The following NLN variants were observed in gnomAD, a reference collection of about 807,000 sequenced individuals.
NLN encodes the protein neurolysin, mitochondrial.
Under a neutral mutation model 79.9 loss-of-function variants are expected in NLN, and 64 were observed. That is an observed-to-expected ratio of 0.80 (90% confidence interval 0.65 to 0.99). The LOEUF is 0.99. NLN is among the 50% of genes least tolerant of loss of function. NLN has a pLI of 0.00. For synonymous variants in NLN, 267 were observed against 296.6 expected (o/e 0.90, Z 1.02); for missense variants, 835 against 858.7 (o/e 0.97, Z 0.34).
chr5:65,726,332 C>A (rs991771090), intron 1 of NLN, among the ~76,000 whole-genome samples: 2 of 152,072 alleles, frequency 1.3e-5, no homozygotes, highest in African/African-American at 4.8e-5. Flanking sequence ...TAAGGATATT[C>A]TAAAATGAAA....
In NLN at chr5:65,806,582, A is replaced by T. The variant is rs114804837; in HGVS notation, c.1528-2933A>T. Reference sequence around the variant, plus strand: ...TGAATTGCTGCAATCTCATGATAAAACTTAAAGAGATGAGGAGTTGCTTCT... The same window carrying T: ...TGAATTGCTGCAATCTCATGATAAATCTTAAAGAGATGAGGAGTTGCTTCT... On this transcript the variant is annotated intron_variant, in intron 9 of 12. Coordinates refer to ENST00000380985, the MANE Select transcript of NLN (RefSeq NM_020726.5). Among the ~76,000 whole-genome samples, 591 of 152,312 alleles carry T rather than the reference A, an allele frequency of 3.9e-3. 2 individuals carry two copies. Among genetic ancestry groups the T allele is most frequent in the African/African-American group, 0.013 (555 of 41,572 alleles).
intron 9 of NLN, among the ~76,000 whole-genome samples, chr5:65,799,044 G>T (rs1439551767): frequency 6.6e-6 from 1 of 151,968 alleles, no homozygotes; most frequent in East Asian, 1.9e-4. Flanking sequence ...ACTACACCAG[G>T]GTAATTTTTG....
intron 1 of NLN, among the ~76,000 whole-genome samples, chr5:65,735,482 C>CT (rs1228717099): frequency 7.2e-5 from 11 of 152,136 alleles, no homozygotes; most frequent in Non-Finnish European, 1.5e-4. Context: ...CCATTCCTTG[C>CT]TTTTTTCTCT....
rs1171600379 is a variant in NLN, at chr5:65,758,711, G to A, written c.186G>A (p.Glu62=). 1 of 1,613,740 alleles carries A rather than the reference G, an allele frequency of 6.2e-7. No homozygotes were observed. The highest frequency in any genetic ancestry group is 8.5e-7 in the Non-Finnish European group (1 of 1,179,866). The change falls in exon 2 of 13, where the codon GAG becomes GAA. Residue 62 remains glutamate, a synonymous_variant. Transcript: ENST00000380985. ...CAGAGCAAATTAAAACAAGAACTGA[G>A]GAGCTCATTGTGCAGACCAAACAGG... The part of the protein sequence containing the change: ...LSPEQIKTRT[E]ELIVQTKQVY...
chr5:65,777,373 A>C, intron 3 of NLN, 54 bp from the exon 4 acceptor site: 2 of 1,144,356 alleles, frequency 1.7e-6, no homozygotes, highest in East Asian at 4.7e-5. Context: ...CATAGTTTAT[A>C]ATTTACCTGT....
intron 1 of NLN, among the ~76,000 whole-genome samples, chr5:65,745,096 T>C (rs1019323964): frequency 2.6e-5 from 4 of 152,146 alleles, no homozygotes; most frequent in Non-Finnish European, 4.4e-5. Context: ...TTGAGTGGTT[T>C]TACTCTTTGA....
At chr5:65,785,575 T>C (rs1408424513) in intron 6 of NLN, among the ~76,000 whole-genome samples, 200 bp from the exon 7 acceptor site, 1 of 148,926 alleles carries the variant, frequency 6.7e-6, no homozygotes, top group African/African-American at 2.5e-5. Flanking sequence ...AGTCATAAAT[T>C]GTTTCAGAAA....
In NLN at chr5:65,787,254, A is replaced by ATGTG. The variant is rs146242783; in HGVS notation, c.959-846_959-843dup. Among the ~76,000 whole-genome samples the ATGTG allele has an allele frequency of 4.5e-3, 675 of 149,148 alleles. 5 individuals are homozygous for ATGTG. Among genetic ancestry groups the ATGTG allele is most frequent in the African/African-American group, 0.014 (565 of 40,490 alleles). On this transcript the variant is annotated intron_variant, in intron 7 of 12. Transcript: ENST00000380985. Reference sequence around the variant, plus strand: ...TCTCTCTTTATATATATATATATGTATGTGTGTGTGTGTGTGTGTGTATAC... The same window carrying ATGTG: ...TCTCTCTTTATATATATATATATGTATGTGTGTGTGTGTGTGTGTGTGTGTATAC...
chr5:65,764,048 T>G (rs1759399738), intron 3 of NLN, among the ~76,000 whole-genome samples: 1 of 152,136 alleles, frequency 6.6e-6, no homozygotes, highest in South Asian at 2.1e-4. Flanking sequence ...TTATTTGATG[T>G]GATTTGAATC....
At chr5:65,774,404 G>A (rs1759635384) in intron 3 of NLN, among the ~76,000 whole-genome samples, 1 of 152,150 alleles carries the variant, frequency 6.6e-6, no homozygotes, top group Admixed American at 6.5e-5. Context: ...TTTTTGTTAG[G>A]AAGGAAGGTG....
intron 4 of NLN, among the ~76,000 whole-genome samples, chr5:65,779,387 C>G (rs1265837202): frequency 6.6e-6 from 1 of 151,164 alleles, no homozygotes; most frequent in Non-Finnish European, 1.5e-5. Flanking sequence ...TGGTTTCCTT[C>G]TTATTGCTTC....
Position 65,804,954 on chromosome 5 carries a change from G to A in NLN, c.1528-4561G>A, listed in dbSNP as rs115972047. On this transcript the variant is annotated intron_variant, in intron 9 of 12. Transcript: ENST00000380985. ...GTCTGTCAGTGCAATTTTTCCAACA[G>A]AATGTGCTCCCTTCATGTCTCTATG... Among the ~76,000 whole-genome samples, 219 of 152,290 alleles carry A rather than the reference G, an allele frequency of 1.4e-3. 2 individuals carry two copies. The highest frequency in any genetic ancestry group is 5.0e-3 in the African/African-American group (208 of 41,566).
chr5:65,769,261 A>G (rs751192517), intron 3 of NLN, among the ~76,000 whole-genome samples: 1 of 152,192 alleles, frequency 6.6e-6, no homozygotes. Context: ...AAAACCTTCA[A>G]AATAGGGGAG....
chr5:65,808,458 G>T (rs1760470536), intron 9 of NLN, among the ~76,000 whole-genome samples: 1 of 152,172 alleles, frequency 6.6e-6, no homozygotes, highest in African/African-American at 2.4e-5. Flanking sequence ...AAAGACAACG[G>T]AATGAGGAGC....
chr5:65,807,726 C>T (rs575809166), intron 9 of NLN, among the ~76,000 whole-genome samples: 292 of 152,294 alleles, frequency 1.9e-3, no homozygotes, highest in African/African-American at 6.4e-3. Flanking sequence ...AGGCGTGAGT[C>T]ACCGCACCAG....
At chr5:65,726,966 G>A (rs1758486066) in intron 1 of NLN, among the ~76,000 whole-genome samples, 1 of 152,100 alleles carries the variant, frequency 6.6e-6, no homozygotes, top group Non-Finnish European at 1.5e-5. Context: ...AGTTTCCATT[G>A]GGTTTTCTTG....
rs6860508 is a variant in NLN at position 65,822,910 on chromosome 5, C to T, written c.2110C>T (p.Pro704Ser). The T allele has an allele frequency of 0.05, 81,054 of 1,612,926 alleles. 3,041 individuals carry two copies. The highest frequency in any genetic ancestry group is 0.18 in the African/African-American group (13,229 of 74,926). The change falls in exon 13 of 13, where the codon CCG becomes TCG. Residue 704 changes from proline to serine, a missense_variant. Pro to Ser is a moderately conservative substitution (Grantham distance 74). Transcript: ENST00000380985. Reference protein sequence around the residue: ...AFLMSRGLHAP With the variant: ...AFLMSRGLHAS ...CCTAATGAGTAGAGGCCTGCATGCT[C>T]CGTGAACTGGGGATCTTTGGTAGCC...
chr5:65,815,171 C>T (rs1309860273), intron 12 of NLN, among the ~76,000 whole-genome samples: 3 of 152,212 alleles, frequency 2.0e-5, no homozygotes, highest in Non-Finnish European at 2.9e-5. Context: ...AGCCAAGCTT[C>T]GCCATCACCT....
chr5:65,767,210 G>C, intron 3 of NLN, among the ~76,000 whole-genome samples: 1 of 152,198 alleles, frequency 6.6e-6, no homozygotes, highest in East Asian at 1.9e-4. Flanking sequence ...GGTTCTCTGT[G>C]AGGTCTCTGC....
Sources: gnomAD v4.1 joint callset for allele counts (sites outside exome capture counted in the v4.1 genomes callset) on GRCh38, gnomAD v4.1.1 for gene constraint, MANE v1.5 for transcripts, NCBI Gene and HGNC (gene_info 2026-07-23, HGNC 2026-07-21) for gene names.